The following ZNF318 variants were observed in gnomAD, a reference collection of about 807,000 sequenced individuals.
ZNF318 encodes the protein zinc finger protein 318.
ZNF318 carries 51 observed loss-of-function variants against 124.2 expected under a neutral mutation model. The observed-to-expected ratio is 0.41, with a 90% CI of 0.33 to 0.52. The LOEUF (loss-of-function observed/expected upper bound fraction) is 0.52, where lower values mean the gene tolerates loss of function less well. Among genes scored for constraint, ZNF318 ranks in the 20% least tolerant of loss-of-function variants. The pLI is 0.23. For missense variants in ZNF318, 2,815 were observed against 2,811.2 expected, an observed-to-expected ratio of 1.00 and a Z score of -0.03; for synonymous variants, 1,090 against 1,040.7, an observed-to-expected ratio of 1.05 and a Z score of -0.91.
chr6:43,358,358 C>T (rs1779639049), intron 2 of ZNF318, among the ~76,000 whole-genome samples: 1 of 151,740 alleles, frequency 6.6e-6, no homozygotes, highest in Admixed American at 6.6e-5. Context: ...CGCCATTCTC[C>T]TGCCTCAGTC....
Position 43,355,113 on chromosome 6 carries a change from T to C in ZNF318, c.2221A>G (p.Met741Val), listed in dbSNP as rs746031723. The C allele has an allele frequency of 1.1e-5, 17 of 1,614,172 alleles. 1 individual carries two copies. Among genetic ancestry groups the C allele is most frequent in the Admixed American group, 8.3e-5 (5 of 60,012 alleles). ...GFQSSVAVRC[M>V]LPSAPSAPIR... ...GGGGCAGATGGGGCTGATGGCAACA[T>C]GCACCTGACTGCAACAGATGACTGA... Residue 741 changes from methionine to valine, a missense_variant, in exon 4 of 10, where the codon ATG becomes GTG. Physicochemically the swap from Met to Val is conservative, Grantham distance 21. This residue lies in a region of ZNF318 where 1,377 missense variants were observed against 1,353.5 expected (regional missense o/e 1.02). Transcript: ENST00000361428.
rs769138468 is a variant in ZNF318, at chr6:43,340,852, A to T, written c.3433T>A (p.Leu1145Met). The change falls in exon 9 of 10, where the codon TTG (leucine) becomes ATG (methionine). Residue 1145 changes from leucine to methionine, a missense_variant. By Grantham distance (15) the Leu-to-Met change is conservative. Transcript: ENST00000361428. ...TGCTCCCCAGAAATTGGATCCCCCAAAAATTCCTCACAGAGCTGGCAATAA... is the reference window on the plus strand; with the variant it reads ...TGCTCCCCAGAAATTGGATCCCCCATAAATTCCTCACAGAGCTGGCAATAA... ...GFYCQLCEEF[L>M]GDPISGEQHV... is the part of the protein sequence containing the mutation. 6.2e-7 allele frequency: 1 copy of T among 1,614,208 alleles called. No homozygotes were observed. The highest frequency in any genetic ancestry group is 1.1e-5 in the South Asian group (1 of 91,088).
At chr6:43,363,063 T>C (rs1057343595) in intron 2 of ZNF318, among the ~76,000 whole-genome samples, 1 of 152,182 alleles carries the variant, frequency 6.6e-6, no homozygotes, top group Admixed American at 6.5e-5. Context: ...CTGAAACACA[T>C]GATTCTACAA....
rs766838940 is a variant in ZNF318, at chr6:43,337,536, T to C, written c.6462A>G (p.Glu2154=). ...GGCCTGCAGAATTAATTGTTTTTAA[T>C]TCCAATCCGAGTGACTCTTGTTTGT... ...QLDKQESLGL[E]LKTINSAGLG... Residue 2154 remains glutamate (E), a synonymous_variant, in exon 10 of 10, where the codon GAA becomes GAG. Coordinates refer to ENST00000361428, the MANE Select transcript of ZNF318 (RefSeq NM_014345.3). 1 of 1,614,164 alleles carries C rather than the reference T, an allele frequency of 6.2e-7. No homozygotes were observed. The highest frequency in any genetic ancestry group is 8.5e-7 in the Non-Finnish European group (1 of 1,180,010).
At chr6:43,354,341 A>C (rs1344623539) in intron 4 of ZNF318, among the ~76,000 whole-genome samples, 1 of 152,074 alleles carries the variant, frequency 6.6e-6, no homozygotes, top group East Asian at 1.9e-4. Context: ...TTGGTTCCCT[A>C]CTCCACTACG....
chr6:43,350,602 C>G (rs1779511222), intron 5 of ZNF318, among the ~76,000 whole-genome samples: 1 of 151,946 alleles, frequency 6.6e-6, no homozygotes, highest in South Asian at 2.1e-4. Flanking sequence ...CTTTGGGAGG[C>G]TGCAGAGCTC....
Position 43,354,700 on chromosome 6 carries a change from G to A in ZNF318, c.2634C>T (p.Ile878=), listed in dbSNP as rs757920695. The part of the protein sequence containing the change: ...PSLIRYNPEK[I]SDEKNRASQK... ...GGGAAGCACGGTTCTTCTCATCAGA[G>A]ATCTTCTCTGGATTATATCTTATGA... Residue 878 remains isoleucine, a synonymous_variant, in exon 4 of 10, where the codon ATC becomes ATT. Transcript: ENST00000361428. The A allele has an allele frequency of 6.2e-7, 1 of 1,613,036 alleles. No individual in the cohort carries two copies. The highest frequency in any genetic ancestry group is 8.5e-7 in the Non-Finnish European group (1 of 1,179,640).
In ZNF318 at chr6:43,354,760, C is replaced by T. The variant is rs746462253; in HGVS notation, c.2574G>A (p.Ala858=). The T allele has an allele frequency of 2.2e-5, 36 of 1,614,066 alleles. No individual in the cohort carries two copies. In the Middle Eastern group the frequency reaches 5.0e-4, roughly 22 times the overall value. The change falls in exon 4 of 10, where the codon GCG becomes GCA. Residue 858 remains alanine, a synonymous_variant. Transcript: ENST00000361428. ...QKESLRGSIP[A]AQVPVQVSIP... ...TGGACACCTGGACAGGCACTTGGGCCGCAGGAATTGAGCCTCGCAGAGACT... is the reference window on the plus strand; with the variant it reads ...TGGACACCTGGACAGGCACTTGGGCTGCAGGAATTGAGCCTCGCAGAGACT...
At chr6:43,366,684 T>C (rs938216024) in intron 1 of ZNF318, among the ~76,000 whole-genome samples, 2 of 152,142 alleles carry the variant, frequency 1.3e-5, no homozygotes, top group Non-Finnish European at 2.9e-5. Context: ...TACGCACCTG[T>C]AGTCCCAGCT....
chr6:43,340,633 T>C (rs987990839), intron 9 of ZNF318, 131 bp from the exon 10 acceptor site: 2 of 1,508,072 alleles, frequency 1.3e-6, no homozygotes, highest in South Asian at 1.4e-5. Context: ...TACGGGATGC[T>C]ATCTGCTGAG....
Position 43,339,669 on chromosome 6 carries a change from A to T in ZNF318, c.4329T>A (p.Pro1443=), listed in dbSNP as rs1779342627. ...GTGGTGGAGGTGGGGGTGGTGGAGG[A>T]GGTGGTAGTATTTGTTCAGGTAAAT... The part of the protein sequence containing the change: ...PSHLPEQILP[P]PPPPPPPPPP... Residue 1443 remains proline, a synonymous_variant, in exon 10 of 10, where the codon CCT becomes CCA. Transcript: ENST00000361428. This position sits in a 1 kb window ranked among gnomAD's most constrained non-coding sequence, Gnocchi z 4.2. The T allele has an allele frequency of 3.7e-6, 6 of 1,612,808 alleles. No homozygotes were observed. The highest frequency in any genetic ancestry group is 1.1e-5 in the South Asian group (1 of 91,000).
intron 6 of ZNF318, among the ~76,000 whole-genome samples, chr6:43,345,753 G>A (rs187946655): frequency 5.9e-5 from 9 of 152,294 alleles, no homozygotes; most frequent in Admixed American, 4.6e-4. Flanking sequence ...AACTGAGGAT[G>A]TACTATGTGC....
At chr6:43,348,685 T>A in intron 5 of ZNF318, 60 bp from the exon 6 acceptor site, 1 of 1,555,494 alleles carries the variant, frequency 6.4e-7, no homozygotes. Flanking sequence ...TCATTTCTCA[T>A]TTACAAGCAA....
rs1779602118 is a variant in ZNF318 at position 43,355,913 on chromosome 6, A to G, written c.1421T>C (p.Leu474Pro). 6.2e-7 allele frequency: 1 copy of G among 1,614,130 alleles called. No homozygotes were observed. The highest frequency in any genetic ancestry group is 1.7e-5 in the Admixed American group (1 of 60,006). Residue 474 changes from leucine (L) to proline (P), a missense_variant, in exon 4 of 10, where the codon CTA (leucine) becomes CCA (proline). Physicochemically the swap from Leu to Pro is moderately conservative, Grantham distance 98. Around this residue, in one of 4 missense-constraint regions of ZNF318, gnomAD observed 1,377 missense variants for 1,353.5 expected, o/e 1.02. Transcript: ENST00000361428. ...SPLREKFGSF[L>P]CHKDNLDLKA... ...CAAATCCAAATTATCCTTGTGGCATAGAAAACTTCCAAATTTTTCTCTGAG... is the reference window on the plus strand; with the variant it reads ...CAAATCCAAATTATCCTTGTGGCATGGAAAACTTCCAAATTTTTCTCTGAG...
At chr6:43,362,973 G>A (rs1779703014) in intron 2 of ZNF318, among the ~76,000 whole-genome samples, 1 of 152,070 alleles carries the variant, frequency 6.6e-6, no homozygotes, top group African/African-American at 2.4e-5. Flanking sequence ...AAATGTGTAG[G>A]GGGCAACAGT....
Position 43,357,681 on chromosome 6 carries a change from C to A in ZNF318, c.633G>T (p.Gly211=). 3.1e-6 allele frequency: 5 copies of A among 1,613,284 alleles called. No individual in the cohort carries two copies. Among genetic ancestry groups the A allele is most frequent in the Non-Finnish European group, 4.2e-6 (5 of 1,180,004 alleles). Residue 211 remains glycine (G), a synonymous_variant, in exon 3 of 10, where the codon GGG becomes GGT. Coordinates refer to ENST00000361428, the MANE Select transcript of ZNF318 (RefSeq NM_014345.3). The part of the protein sequence containing the change: ...GLERYISQEE[G]PLSPFLGQLD... ...GTTGTCCCAAGAAGGGACTGAGAGGCCCTTCCTCCTGGGAAATATATCGCT... is the reference window on the plus strand; with the variant it reads ...GTTGTCCCAAGAAGGGACTGAGAGGACCTTCCTCCTGGGAAATATATCGCT...
intron 2 of ZNF318, 57 bp downstream of exon 2, chr6:43,365,235 G>A: frequency 6.4e-7 from 1 of 1,552,890 alleles, no homozygotes; most frequent in Non-Finnish European, 8.8e-7. Flanking sequence ...TCGGAAAACA[G>A]CAACATTTCT....
In ZNF318 at chr6:43,339,366, A is replaced by C. The variant is rs1779337397; in HGVS notation, c.4632T>G (p.Ser1544Arg). The part of the protein sequence containing the change: ...VLVRPPPPLS[S>R]VFSEQAKKLE... ...ATTTTTTGGCTTGTTCACTGAACACACTTGAGAGGGGTGGTGGAGGACGTA... is the reference window on the plus strand; with the variant it reads ...ATTTTTTGGCTTGTTCACTGAACACCCTTGAGAGGGGTGGTGGAGGACGTA... The change falls in exon 10 of 10, where the codon AGT becomes AGG. Residue 1544 changes from serine (S) to arginine (R), a missense_variant. By Grantham distance (110) the Ser-to-Arg change is moderately radical (BLOSUM62 -1). This residue lies in a region of ZNF318 where 500 missense variants were observed against 605.2 expected (regional missense o/e 0.83). Coordinates refer to ENST00000361428, the MANE Select transcript of ZNF318 (RefSeq NM_014345.3). This position sits in a 1 kb window ranked among gnomAD's most constrained non-coding sequence, Gnocchi z 4.2. 6.2e-7 allele frequency: 1 copy of C among 1,614,096 alleles called. No homozygotes were observed. Among genetic ancestry groups the C allele is most frequent in the Non-Finnish European group, 8.5e-7 (1 of 1,180,022 alleles).
Position 43,369,193 on chromosome 6 carries a change from C to T in ZNF318, c.173G>A (p.Arg58His). The change falls in exon 1 of 10, where the codon CGC (arginine) becomes CAC (histidine). Residue 58 changes from arginine (R) to histidine (H), a missense_variant. By Grantham distance (29) the Arg-to-His change is conservative. This residue lies in a region of ZNF318 where 1,377 missense variants were observed against 1,353.5 expected (regional missense o/e 1.02). Transcript: ENST00000361428. ...SSSRTPARRPRSPSGHRGRRA... is the reference protein window; with the variant it reads ...SSSRTPARRPHSPSGHRGRRA... ...GCGGCCGCGGTGCCCTGAGGGCGAG[C>T]GGGGTCGGCGAGCCGGGGTCCGCGA... 1 of 1,210,564 alleles carries T rather than the reference C, an allele frequency of 8.3e-7. No homozygotes were observed. Among genetic ancestry groups the T allele is most frequent in the South Asian group, 4.0e-5 (1 of 25,312 alleles). The allele number at this position is 1,210,564 out of a possible 1,614,324, so 75.0% of individuals were successfully genotyped here.
Sources: gnomAD v4.1 joint callset for allele counts (sites outside exome capture counted in the v4.1 genomes callset) on GRCh38, gnomAD v4.1.1 for gene constraint, gnomAD v4.1.1 regional missense constraint, Gnocchi (gnomAD v3.1) non-coding constraint, MANE v1.5 for transcripts, NCBI Gene and HGNC (gene_info 2026-07-23, HGNC 2026-07-21) for gene names.